The following NAV1 variants were observed in gnomAD, a reference collection of about 807,000 sequenced individuals.
NAV1 encodes the protein pore membrane and/or filament interacting like protein 3.
NAV1 carries 18 observed loss-of-function variants against 175.2 expected under a neutral mutation model. The ratio of observed to expected loss-of-function variants is 0.10; its 90% confidence interval spans 0.07 to 0.15. NAV1 has a LOEUF of 0.15. Among genes scored for constraint, NAV1 ranks in the 10% least tolerant of loss-of-function variants. The pLI is 1.00. For synonymous variants in NAV1, 897 were observed against 978.7 expected (o/e 0.92, Z 1.56); for missense variants, 1,731 against 2,436.6 (o/e 0.71, Z 6.10).
chr1:201,560,889 G>C (rs769305816), intron 1 of NAV1, among the ~76,000 whole-genome samples: 8 of 152,232 alleles, frequency 5.3e-5, no homozygotes, highest in Non-Finnish European at 8.8e-5. Flanking sequence ...GGCCAGCCCT[G>C]GGTGCCACAA....
chr1:201,809,544 G>T lies in NAV1; in HGVS notation c.4401+7G>T. 6.2e-7 allele frequency: 1 copy of T among 1,612,456 alleles called. No individual in the cohort carries two copies. The highest frequency in any genetic ancestry group is 8.5e-7 in the Non-Finnish European group (1 of 1,178,914). On this transcript the variant is annotated splice_region_variant and intron_variant, in intron 22 of 29. Coordinates refer to ENST00000367296, the Ensembl canonical transcript of NAV1. ...TGTTTTCCAAGTGTTCAAGGTAAAG[G>T]GATACCTGTACTCAAAAAGGTTGTT... is the stretch of plus-strand genomic sequence containing the variant.
intron 1 of NAV1, among the ~76,000 whole-genome samples, chr1:201,549,097 TTCTTTCTTTCTTTC>T (rs1388679369): frequency 3.5e-5 from 5 of 141,086 alleles, no homozygotes; most frequent in African/African-American, 1.3e-4. Context: ...CTTTCTTTCT[TTCTTTCTTTCTTTC>T]TTTCTTTCTT....
intron 2 of NAV1, among the ~76,000 whole-genome samples, chr1:201,716,238 C>T (rs1205001892): frequency 6.6e-6 from 1 of 152,202 alleles, no homozygotes; most frequent in Non-Finnish European, 1.5e-5. Flanking sequence ...CCTCCCCTGT[C>T]TCATCCCATG....
intron 20 of NAV1, 102 bp from the exon 25 acceptor site, chr1:201,809,062 C>T: frequency 7.4e-7 from 1 of 1,357,884 alleles, no homozygotes; most frequent in South Asian, 1.2e-5. Context: ...TCCATTCCTT[C>T]TCTGTGGCAA....
chr1:201,618,777 G>A (rs1668074111), upstream of NAV1, among the ~76,000 whole-genome samples: 1 of 152,108 alleles, frequency 6.6e-6, no homozygotes, highest in Non-Finnish European at 1.5e-5. Flanking sequence ...ACTTTGTAAG[G>A]TTGTTGTTAA....
chr1:201,780,499 C>G, exon 4 of NAV1: 1 of 1,614,208 alleles, frequency 6.2e-7, no homozygotes, highest in South Asian at 1.1e-5. Flanking sequence ...TCAATGCCAG[C>G]TCCTCACTCA....
intron 2 of NAV1, among the ~76,000 whole-genome samples, chr1:201,642,293 G>A (rs189951593): frequency 2.7e-4 from 41 of 150,906 alleles, no homozygotes; most frequent in African/African-American, 1.0e-3. Flanking sequence ...GCTCACTGCA[G>A]GCTCCGCCTC....
intron 3 of NAV1, among the ~76,000 whole-genome samples, chr1:201,720,001 C>T (rs1029370915): frequency 3.3e-5 from 5 of 152,232 alleles, no homozygotes; most frequent in Non-Finnish European, 4.4e-5. Context: ...AAACAACTGA[C>T]GCATGAATGG....
chr1:201,744,299 G>T (rs928507357), intron 3 of NAV1, among the ~76,000 whole-genome samples: 3 of 148,436 alleles, frequency 2.0e-5, no homozygotes, highest in African/African-American at 5.1e-5. Flanking sequence ...GGAGCTGACG[G>T]CTATGTATGT....
rs150326699 is a variant in NAV1 at position 201,786,570 on chromosome 1, C to G, written c.2988C>G (p.Thr996=). 3.1e-6 allele frequency: 5 copies of G among 1,613,056 alleles called. No homozygotes were observed. In the African/African-American group the frequency reaches 6.7e-5, roughly 22 times the overall value. The change falls in exon 9 of 30, where the codon ACC becomes ACG. Residue 996 remains threonine, a synonymous_variant. Transcript: ENST00000367296. ...CTCTGAGTGCAAAGGGCCAACTTAC[C>G]AACATAGGTTAGTGTTTTCAGTCAC...
At chr1:201,682,319 A>G (rs1670499501) in intron 1 of NAV1, among the ~76,000 whole-genome samples, 1 of 151,910 alleles carries the variant, frequency 6.6e-6, no homozygotes, top group Non-Finnish European at 1.5e-5. Context: ...TGTTTTCCCC[A>G]TGGTCCCCCA....
At chr1:201,803,126 C>T (rs1479105798) in intron 15 of NAV1, among the ~76,000 whole-genome samples, 1 of 151,912 alleles carries the variant, frequency 6.6e-6, no homozygotes, top group Non-Finnish European at 1.5e-5. Context: ...ATTTTCTACC[C>T]ACCAGATGAG....
chr1:201,664,435 C>T (rs1669735877), intron 1 of NAV1, among the ~76,000 whole-genome samples: 2 of 152,196 alleles, frequency 1.3e-5, no homozygotes, highest in African/African-American at 4.8e-5. Flanking sequence ...GGTTCCTCAT[C>T]TATTAAATGG....
chr1:201,609,106 G>A lies in NAV1; in HGVS notation c.-32-13747G>A, dbSNP rs1667775173. Among the ~76,000 whole-genome samples, 3 of 152,354 alleles carry A rather than the reference G, an allele frequency of 2.0e-5. No homozygotes were observed. In the South Asian group the frequency reaches 6.2e-4, roughly 32 times the overall value. On this transcript the variant is annotated intron_variant, in intron 2 of 33. Transcript: ENST00000685211. Reference sequence around the variant, plus strand: ...ACTCGGGAAGATGCTTAGCGCTGGAGTCCTGTCCAGTGTTCTGACTCCTGG... The same window carrying A: ...ACTCGGGAAGATGCTTAGCGCTGGAATCCTGTCCAGTGTTCTGACTCCTGG...
At chr1:201,665,490 A>T (rs987040117) in intron 1 of NAV1, among the ~76,000 whole-genome samples, 34 of 152,048 alleles carry the variant, frequency 2.2e-4, no homozygotes, top group African/African-American at 7.7e-4. Flanking sequence ...GCACTAGCTC[A>T]TGTAGGAAAC....
rs773320555 is a variant in NAV1, at chr1:201,813,107, C to T, written c.5222-33C>T. ...ACACAACCGGGAAGATCTAGGTTCC[C>T]AGCCATCTTCATGGCCCCATCCTCT... On this transcript the variant is annotated intron_variant, in intron 27 of 29. Transcript: ENST00000367296. This position sits in a 1 kb window ranked among gnomAD's most constrained non-coding sequence, Gnocchi z 4.2. 6.6e-7 allele frequency: 1 copy of T among 1,506,116 alleles called. No individual in the cohort carries two copies. The highest frequency in any genetic ancestry group is 9.2e-7 in the Non-Finnish European group (1 of 1,084,014). The allele number at this position is 1,506,116 out of a possible 1,614,324, so 93.3% of individuals were successfully genotyped here. A position where few individuals can be genotyped will look rare whatever the true frequency, so the allele number is the denominator to read the frequency against.
At chr1:201,817,642 A>G (rs1423509097) in intron 29 of NAV1, among the ~76,000 whole-genome samples, 1 of 152,162 alleles carries the variant, frequency 6.6e-6, no homozygotes, top group East Asian at 1.9e-4. Context: ...CTTAAGCTAA[A>G]TAATAGTGCA....
In NAV1 at chr1:201,780,575, A is replaced by G. The variant is rs1252969182; in HGVS notation, c.1365+16A>G. 1 of 1,614,122 alleles carries G rather than the reference A, an allele frequency of 6.2e-7. No individual in the cohort carries two copies. Among genetic ancestry groups the G allele is most frequent in the Non-Finnish European group, 8.5e-7 (1 of 1,180,020 alleles). On this transcript the variant is annotated intron_variant, in intron 4 of 29. Transcript: ENST00000367296. The stretch of plus-strand genomic sequence containing the variant: ...AACAATAGTGGTACGTGAGTTTGCA[A>G]ACACCCAAGCTGCCATCTCAAGATG...
chr1:201,568,745 C>T (rs896001296), intron 1 of NAV1, among the ~76,000 whole-genome samples: 4 of 152,164 alleles, frequency 2.6e-5, no homozygotes, highest in Admixed American at 6.5e-5. Flanking sequence ...CAGCGCCTGT[C>T]CCACAGTATG....
Sources: allele counts gnomAD v4.1 joint callset (sites outside exome capture counted in the v4.1 genomes callset), GRCh38; gene constraint gnomAD v4.1.1; non-coding constraint Gnocchi (gnomAD v3.1); transcripts MANE v1.5; gene names NCBI Gene and HGNC (gene_info 2026-07-23, HGNC 2026-07-21).